The following MED12L variants were observed in gnomAD, a reference collection of about 807,000 sequenced individuals.
The protein encoded by MED12L is mediator of RNA polymerase II transcription subunit 12-like protein.
A neutral mutation model predicts 281.3 loss-of-function variants in MED12L; 60 were observed. The observed-to-expected ratio is 0.21, with a 90% CI of 0.17 to 0.26. The LOEUF is 0.26. Among genes scored for constraint, MED12L ranks in the 10% least tolerant of loss-of-function variants. MED12L has a pLI of 1.00. For synonymous variants in MED12L, 974 were observed against 987.2 expected (o/e 0.99, Z 0.25); for missense variants, 2,146 against 2,680.9 (o/e 0.80, Z 4.41).
intron 16 of MED12L, among the ~76,000 whole-genome samples, chr3:151,227,510 G>A (rs755084982): frequency 4.6e-5 from 7 of 152,142 alleles, no homozygotes; most frequent in Non-Finnish European, 7.4e-5. Context: ...AACACTTTTG[G>A]CATAGCTTGT....
intron 21 of MED12L, among the ~76,000 whole-genome samples, chr3:151,361,067 T>G (rs554693607): frequency 6.6e-6 from 1 of 152,270 alleles, no homozygotes; most frequent in South Asian, 2.1e-4. Context: ...TGTATCCCTC[T>G]TGATTTTGAT....
At position 151,190,922 on chromosome 3, in the gene MED12L, G is replaced by A. The variant is rs745888712; in HGVS notation, c.1959G>A (p.Val653=). 6.2e-7 allele frequency: 1 copy of A among 1,614,038 alleles called. No homozygotes were observed. Among genetic ancestry groups the A allele is most frequent in the Admixed American group, 1.7e-5 (1 of 60,000 alleles). The change falls in exon 14 of 45, where the codon GTG becomes GTA. Residue 653 remains valine (V), a synonymous_variant. Coordinates refer to ENST00000687756, the MANE Select transcript of MED12L (RefSeq NM_001393769.1). ...AACACTATTCAAAGGACCATGATGT[G>A]AAAATGGAGGTATGGCCCTGGATAT... ...ADEHYSKDHD[V]KMEEQSIMAH... is the part of the protein sequence containing the mutation.
chr3:151,329,054 T>G lies in MED12L; in HGVS notation c.2251-21005T>G, dbSNP rs577175996. ...ACAAACAAAAGAAAACAAAAAGCCC[T>G]TCATGATTTTCAAATGCTATTTTTT... On this transcript the variant is annotated intron_variant, in intron 16 of 44. Transcript: ENST00000687756. The G allele has an allele frequency of 2.9e-6, 4 of 1,363,754 alleles. No homozygotes were observed. The African/African-American group carries it at 5.8e-5, about 20-fold the overall frequency. The allele number at this position is 1,363,754 out of a possible 1,614,324, so 84.5% of individuals were successfully genotyped here.
intron 16 of MED12L, among the ~76,000 whole-genome samples, chr3:151,211,543 A>G (rs572003280): frequency 6.6e-6 from 1 of 152,330 alleles, no homozygotes; most frequent in East Asian, 1.9e-4. Context: ...AACAGTGGAA[A>G]GTAGATACTG....
Position 151,434,563 on chromosome 3 carries a change from T to C in MED12L, c.*1759T>C, listed in dbSNP as rs1719886355. On this transcript the variant is annotated 3_prime_UTR_variant, in exon 45 of 45. Transcript: ENST00000687756. ...TGTACACATTTTTGCTGGTTTTGTA[T>C]ATCAGATTTTTTCCTCTCAAGAAAC... The C allele has an allele frequency of 6.6e-6, 1 of 152,256 alleles. No homozygotes were observed. The highest frequency in any genetic ancestry group is 2.1e-4 in the South Asian group (1 of 4,836). 9.4% of individuals were successfully genotyped at this position (152,256 alleles called of 1,614,324 possible). A position where few individuals can be genotyped will look rare whatever the true frequency, so the allele number is the denominator to read the frequency against.
intron 16 of MED12L, chr3:151,198,210 T>C (rs541209577): frequency 1.1e-4 from 45 of 413,008 alleles, no homozygotes; most frequent in Non-Finnish European, 1.7e-4. Flanking sequence ...TAGTTTTTTG[T>C]ACAAATATTT....
intron 16 of MED12L, among the ~76,000 whole-genome samples, chr3:151,242,548 C>G (rs1734413089): frequency 6.6e-6 from 1 of 152,220 alleles, no homozygotes. Flanking sequence ...AGACCTGCAG[C>G]TGAGGGTCCT....
chr3:151,280,851 A>C (rs991867220), intron 16 of MED12L, among the ~76,000 whole-genome samples: 1 of 151,796 alleles, frequency 6.6e-6, no homozygotes, highest in African/African-American at 2.4e-5. Flanking sequence ...TGGAGAAGTA[A>C]CTATTCCTTT....
intron 43 of MED12L, among the ~76,000 whole-genome samples, chr3:151,421,060 G>A (rs1718189618): frequency 6.6e-6 from 1 of 152,170 alleles, no homozygotes; most frequent in Non-Finnish European, 1.5e-5. Context: ...GCACTCAGTG[G>A]TGGCCGTAGC....
intron 16 of MED12L, among the ~76,000 whole-genome samples, chr3:151,296,555 T>C (rs891659677): frequency 2.6e-5 from 4 of 151,688 alleles, no homozygotes; most frequent in Non-Finnish European, 5.9e-5. Context: ...CTTTGAACTT[T>C]CTTCAAACTG....
At chr3:151,382,978 C>T (rs1432939548) in intron 33 of MED12L, among the ~76,000 whole-genome samples, 2 of 152,186 alleles carry the variant, frequency 1.3e-5, no homozygotes, top group Non-Finnish European at 2.9e-5. Flanking sequence ...GATTTGCCTT[C>T]TCTACCTCTA....
chr3:151,363,151 CA>C (rs1047576595), intron 21 of MED12L, among the ~76,000 whole-genome samples: 1 of 151,992 alleles, frequency 6.6e-6, no homozygotes, highest in African/African-American at 2.4e-5. Flanking sequence ...AGTAATTACT[CA>C]GGGGTCAGCA....
chr3:151,194,515 C>T (rs1014727439), intron 16 of MED12L, among the ~76,000 whole-genome samples: 2 of 152,092 alleles, frequency 1.3e-5, no homozygotes, highest in African/African-American at 4.8e-5. Context: ...TTTCTGGGCC[C>T]CTTCCACTCT....
At chr3:151,340,444 ACTT>A (rs1202352492) in intron 16 of MED12L, among the ~76,000 whole-genome samples, 7 of 152,174 alleles carry the variant, frequency 4.6e-5, no homozygotes, top group Non-Finnish European at 8.8e-5. Flanking sequence ...CACTAATTAG[ACTT>A]CTATTTTAAT....
intron 14 of MED12L, among the ~76,000 whole-genome samples, chr3:151,192,279 A>G (rs1296820765): frequency 6.6e-6 from 1 of 152,230 alleles, no homozygotes; most frequent in African/African-American, 2.4e-5. Context: ...ATAGCCCAAG[A>G]AAGGAAATTG....
intron 2 of MED12L, among the ~76,000 whole-genome samples, chr3:151,099,940 G>C (rs1721192694): frequency 6.6e-6 from 1 of 152,150 alleles, no homozygotes; most frequent in Admixed American, 6.5e-5. Flanking sequence ...TAGACTTCCT[G>C]GACTCAGGGG....
intron 16 of MED12L, among the ~76,000 whole-genome samples, chr3:151,243,436 G>A (rs550207430): frequency 7.2e-4 from 109 of 152,142 alleles, no homozygotes; most frequent in African/African-American, 2.5e-3. Context: ...AACCCTACAA[G>A]CCAGAAGAGA....
At chr3:151,131,916 T>A (rs1576793480) in intron 5 of MED12L, among the ~76,000 whole-genome samples, 1 of 152,178 alleles carries the variant, frequency 6.6e-6, no homozygotes, top group Non-Finnish European at 1.5e-5. Flanking sequence ...AATGGATGGA[T>A]TATTAGGTTT....
At chr3:151,432,083 C>G (rs1167629960) in intron 44 of MED12L, among the ~76,000 whole-genome samples, 2 of 152,208 alleles carry the variant, frequency 1.3e-5, no homozygotes, top group Non-Finnish European at 2.9e-5. Flanking sequence ...GCTCACCACA[C>G]AACTCCAGAG....
Sources: gnomAD v4.1 joint callset for allele counts (sites outside exome capture counted in the v4.1 genomes callset) on GRCh38, gnomAD v4.1.1 for gene constraint, MANE v1.5 for transcripts, NCBI Gene and HGNC (gene_info 2026-07-23, HGNC 2026-07-21) for gene names.